The following MGAT4A variants were observed in gnomAD, a reference collection of about 807,000 sequenced individuals.
MGAT4A encodes the protein N-acetylglucosaminyltransferase IVa.
MGAT4A carries 33 observed loss-of-function variants against 74.1 expected under a neutral mutation model. That is an observed-to-expected ratio of 0.45 (90% CI 0.34 to 0.60). The LOEUF is 0.60. Among genes scored for constraint, MGAT4A ranks in the 20% least tolerant of loss-of-function variants. The probability of loss-of-function intolerance (pLI) is 0.02; values close to 1 mark genes in which losing one functional copy is unlikely to be tolerated. For synonymous variants in MGAT4A, 198 were observed against 210.4 expected, an observed-to-expected ratio of 0.94 and a Z score of 0.51; for missense variants, 479 against 628.3, an observed-to-expected ratio of 0.76 and a Z score of 2.54.
At chr2:98,717,314 G>A (rs1041557312) in intron 2 of MGAT4A, among the ~76,000 whole-genome samples, 2 of 151,828 alleles carry the variant, frequency 1.3e-5, no homozygotes, top group African/African-American at 4.8e-5. Context: ...GGGAGGTGGA[G>A]GTTACAGTGA....
chr2:98,624,745 T>A lies in MGAT4A; in HGVS notation c.*821A>T, dbSNP rs868125117. ...TAAGTTAAGTCTACAATAATCTGGG[T>A]TGAATGCATCACACTTACACATTGA... On this transcript the variant is annotated 3_prime_UTR_variant, in exon 16 of 16. Transcript: ENST00000393487. The A allele has an allele frequency of 7.1e-6, 7 of 983,732 alleles. No individual in the cohort carries two copies. The highest frequency in any genetic ancestry group is 8.5e-6 in the Non-Finnish European group (7 of 828,152). The allele number at this position is 983,732 out of a possible 1,614,324, so 60.9% of individuals were successfully genotyped here. A position where few individuals can be genotyped will look rare whatever the true frequency, so the allele number is the denominator to read the frequency against.
chr2:98,625,620 A>C, intron 15 of MGAT4A, 28 bp from the exon 16 acceptor site: 5 of 1,589,874 alleles, frequency 3.1e-6, no homozygotes, highest in Non-Finnish European at 4.3e-6. Context: ...AAAAGGTATG[A>C]TAAAGCTGTT....
At chr2:98,635,350 A>G in intron 13 of MGAT4A, 62 bp from the exon 14 acceptor site, 2 of 1,124,866 alleles carry the variant, frequency 1.8e-6, no homozygotes, top group Non-Finnish European at 2.5e-6. Flanking sequence ...TAAGTTATTA[A>G]TATATCTTAA....
Position 98,620,690 on chromosome 2 carries a change from T to A in MGAT4A, c.*4876A>T, listed in dbSNP as rs892285391. The A allele has an allele frequency of 6.6e-6, 1 of 152,206 alleles. No individual in the cohort carries two copies. The highest frequency in any genetic ancestry group is 1.5e-5 in the Non-Finnish European group (1 of 68,022). The allele number at this position is 152,206 out of a possible 1,614,324, so 9.4% of individuals were successfully genotyped here. A position where few individuals can be genotyped will look rare whatever the true frequency, so the allele number is the denominator to read the frequency against. On this transcript the variant is annotated 3_prime_UTR_variant, in exon 16 of 16. Transcript: ENST00000393487. The stretch of plus-strand genomic sequence containing the variant: ...AAATTAAATCCCTCGATACACAGAT[T>A]ATCTGATCTCTACAAGGCAAAGGTT...
At chr2:98,643,545 G>A (rs1421784379) in intron 10 of MGAT4A, among the ~76,000 whole-genome samples, 6 of 152,074 alleles carry the variant, frequency 3.9e-5, no homozygotes, top group Non-Finnish European at 7.4e-5. Context: ...ATGTGTTAGG[G>A]TCTAATATCG....
intron 4 of MGAT4A, among the ~76,000 whole-genome samples, chr2:98,669,936 T>C (rs1209782056): frequency 6.6e-6 from 1 of 152,186 alleles, no homozygotes; most frequent in African/African-American, 2.4e-5. Flanking sequence ...AACTGCTCTG[T>C]CAGCCTGGAT....
chr2:98,636,412 T>C lies in MGAT4A; in HGVS notation c.1401+105A>G, dbSNP rs1171729811. 5 of 871,978 alleles carry C rather than the reference T, an allele frequency of 5.7e-6. No individual in the cohort carries two copies. In the East Asian group the frequency reaches 1.2e-4, roughly 21 times the overall value. 54.0% of individuals were successfully genotyped at this position (871,978 alleles called of 1,614,324 possible). On this transcript the variant is annotated intron_variant, in intron 13 of 15. Coordinates refer to ENST00000393487, the MANE Select transcript of MGAT4A (RefSeq NM_012214.3). ...ATTAATATTATTCACCATTGAGTCC[T>C]GCAAATCATGAGAATTTTCTTTCCC...
At position 98,719,634 on chromosome 2, in the gene MGAT4A, G is replaced by A. The variant is rs1011443474; in HGVS notation, c.94+6605C>T. Reference sequence around the variant, plus strand: ...GTGAGTACAACTAGATGAACTAGATGTTGGATTTATTTATTTATTTTTATT... The same window carrying A: ...GTGAGTACAACTAGATGAACTAGATATTGGATTTATTTATTTATTTTTATT... On this transcript the variant is annotated intron_variant, in intron 2 of 15. Transcript: ENST00000393487. Among the ~76,000 whole-genome samples, 19 of 152,132 alleles carry A rather than the reference G, an allele frequency of 1.2e-4. No homozygotes were observed. The South Asian group carries it at 1.5e-3, about 12-fold the overall frequency.
rs564085474 is a variant in MGAT4A at position 98,625,932 on chromosome 2, CTAG to C, written c.1469-100_1469-98del. 9.5e-5 allele frequency: 69 copies of C among 728,682 alleles called. No homozygotes were observed. In the African/African-American group the frequency reaches 1.1e-3, roughly 12 times the overall value. 45.1% of individuals were successfully genotyped at this position (728,682 alleles called of 1,614,324 possible). A position where few individuals can be genotyped will look rare whatever the true frequency, so the allele number is the denominator to read the frequency against. ...AGGAAAGGAATACACCAAAATATTTCTAGTAGATGTCTTTTGACAGGGCACAGG... is the reference window on the plus strand; with the variant it reads ...AGGAAAGGAATACACCAAAATATTTCTAGATGTCTTTTGACAGGGCACAGG... On this transcript the variant is annotated intron_variant, in intron 14 of 15. Transcript: ENST00000393487.
rs143610783 is a variant in MGAT4A at position 98,667,073 on chromosome 2, A to G, written c.404-3894T>C. Among the ~76,000 whole-genome samples the G allele has an allele frequency of 4.8e-3, 721 of 151,566 alleles. 9 individuals are homozygous for G. The highest frequency in any genetic ancestry group is 0.016 in the African/African-American group (660 of 41,136). ...CTTACAAGATCTGATGGTTTTAAAA[A>G]GAGGAGTTCCCCTGCACAAGCTTGC... is the stretch of plus-strand genomic sequence containing the variant. On this transcript the variant is annotated intron_variant, in intron 4 of 15. Transcript: ENST00000393487.
At chr2:98,710,749 A>G (rs1702503909) in intron 2 of MGAT4A, among the ~76,000 whole-genome samples, 1 of 152,238 alleles carries the variant, frequency 6.6e-6, no homozygotes, top group Admixed American at 6.5e-5. Flanking sequence ...GGCGTGAGCT[A>G]CTGTGCCCAG....
At chr2:98,640,678 T>C (rs1701393639) in intron 10 of MGAT4A, among the ~76,000 whole-genome samples, 1 of 152,138 alleles carries the variant, frequency 6.6e-6, no homozygotes, top group South Asian at 2.1e-4. Context: ...TTACAAATCA[T>C]ATTTTTTTCT....
chr2:98,622,621 T>C lies in MGAT4A; in HGVS notation c.*2945A>G, dbSNP rs1701077751. 6 of 985,460 alleles carry C rather than the reference T, an allele frequency of 6.1e-6. No individual in the cohort carries two copies. Among genetic ancestry groups the C allele is most frequent in the Non-Finnish European group, 7.2e-6 (6 of 830,024 alleles). The allele number at this position is 985,460 out of a possible 1,614,324, so 61.0% of individuals were successfully genotyped here. A position where few individuals can be genotyped will look rare whatever the true frequency, so the allele number is the denominator to read the frequency against. On this transcript the variant is annotated 3_prime_UTR_variant, in exon 16 of 16. Coordinates refer to ENST00000393487, the MANE Select transcript of MGAT4A (RefSeq NM_012214.3). Reference sequence around the variant, plus strand: ...TACAATTTCCTGCTTGGGGAAAGGATGGCTGCTTCTACTAGTTGAGTGCAG... The same window carrying C: ...TACAATTTCCTGCTTGGGGAAAGGACGGCTGCTTCTACTAGTTGAGTGCAG...
At chr2:98,722,580 A>T (rs140308299) in intron 2 of MGAT4A, among the ~76,000 whole-genome samples, 80 of 152,246 alleles carry the variant, frequency 5.3e-4, no homozygotes, top group African/African-American at 1.9e-3. Context: ...AGGGTATAGG[A>T]TTTCTTTTTG....
chr2:98,651,834 AAAAGACACAC>A (rs1701583406), intron 8 of MGAT4A, among the ~76,000 whole-genome samples: 1 of 152,194 alleles, frequency 6.6e-6, no homozygotes, highest in Admixed American at 6.5e-5. Context: ...ACTTTACATC[AAAAGACACAC>A]ATAGGTTAAA....
chr2:98,638,523 T>G (rs1402687074), intron 12 of MGAT4A, among the ~76,000 whole-genome samples: 2 of 152,256 alleles, frequency 1.3e-5, no homozygotes, highest in Non-Finnish European at 2.9e-5. Flanking sequence ...ACCAAACACA[T>G]ACTAATGGAC....
rs183733611 is a variant in MGAT4A at position 98,621,535 on chromosome 2, C to G, written c.*4031G>C. The G allele has an allele frequency of 5.4e-5, 83 of 1,551,214 alleles. 1 individual carries two copies. In the Admixed American group the frequency reaches 1.3e-3, roughly 25 times the overall value. On this transcript the variant is annotated 3_prime_UTR_variant, in exon 16 of 16. Coordinates refer to ENST00000393487, the MANE Select transcript of MGAT4A (RefSeq NM_012214.3). ...TAAAGGAGTCACAAGATTTGATTAG[C>G]CACCCCCAGACAGTCTTCCTTTTGC...
intron 2 of MGAT4A, among the ~76,000 whole-genome samples, chr2:98,679,223 G>A (rs1173025204): frequency 4.6e-5 from 7 of 151,960 alleles, no homozygotes; most frequent in African/African-American, 1.2e-4. Flanking sequence ...TGGCTAACAC[G>A]GTGAAACCCT....
At chr2:98,625,858 T>C in intron 14 of MGAT4A, 23 bp from the exon 15 acceptor site, 1 of 1,526,000 alleles carries the variant, frequency 6.6e-7, no homozygotes, top group Non-Finnish European at 9.1e-7. Context: ...AATCAATACT[T>C]GTTGGATACA....
Sources: gnomAD v4.1 joint callset for allele counts (sites outside exome capture counted in the v4.1 genomes callset) on GRCh38, gnomAD v4.1.1 for gene constraint, MANE v1.5 for transcripts, NCBI Gene and HGNC (gene_info 2026-07-23, HGNC 2026-07-21) for gene names.